The following SESTD1 variants were observed in gnomAD, a reference collection of about 807,000 sequenced individuals.
SESTD1 encodes the protein SEC14 and spectrin domain containing 1.
A neutral mutation model predicts 101.7 loss-of-function variants in SESTD1; 43 were observed. The ratio of observed to expected loss-of-function variants is 0.42; its 90% CI spans 0.33 to 0.55. The LOEUF (loss-of-function observed/expected upper bound fraction) is 0.55, where lower values mean the gene tolerates loss of function less well. SESTD1 is among the 20% of genes least tolerant of loss of function. The probability of loss-of-function intolerance (pLI) is 0.07; values close to 1 mark genes in which losing one functional copy is unlikely to be tolerated. For synonymous variants in SESTD1, 283 were observed against 286.8 expected, an observed-to-expected ratio of 0.99 and a Z score of 0.13; for missense variants, 647 against 815.1, an observed-to-expected ratio of 0.79 and a Z score of 2.51.
intron 1 of SESTD1, among the ~76,000 whole-genome samples, chr2:179,222,163 C>T (rs1312788104): frequency 6.6e-6 from 1 of 152,134 alleles, no homozygotes; most frequent in Non-Finnish European, 1.5e-5. Context: ...AAAAAGACTT[C>T]CCCCACCAAA....
At chr2:179,154,784 T>G (rs1204499674) in intron 5 of SESTD1, among the ~76,000 whole-genome samples, 1 of 152,202 alleles carries the variant, frequency 6.6e-6, no homozygotes, top group East Asian at 1.9e-4. Flanking sequence ...CTGCATTTAA[T>G]AGACATATAC....
intron 5 of SESTD1, among the ~76,000 whole-genome samples, chr2:179,156,174 G>A (rs923402597): frequency 2.0e-5 from 3 of 151,754 alleles, no homozygotes; most frequent in African/African-American, 4.8e-5. Flanking sequence ...ATATGTGTGT[G>A]TATATATACA....
chr2:179,257,711 T>G (rs1180526991), intron 1 of SESTD1, among the ~76,000 whole-genome samples: 5 of 152,154 alleles, frequency 3.3e-5, no homozygotes, highest in Admixed American at 1.3e-4. Context: ...GGCTAAAAAT[T>G]GTATAATATA....
intron 1 of SESTD1, among the ~76,000 whole-genome samples, chr2:179,229,816 C>CACACACAA (rs1553529899): frequency 7.4e-6 from 1 of 134,696 alleles, no homozygotes; most frequent in African/African-American, 2.8e-5. Context: ...CACACACACA[C>CACACACAA]AACCCTACTT....
rs1374727675 is a variant in SESTD1, at chr2:179,105,790, T to A, written c.*4109A>T. The A allele has an allele frequency of 6.6e-6, 1 of 152,200 alleles. No homozygotes were observed. Among genetic ancestry groups the A allele is most frequent in the East Asian group, 1.9e-4 (1 of 5,198 alleles). The allele number at this position is 152,200 out of a possible 1,614,324, so 9.4% of individuals were successfully genotyped here. On this transcript the variant is annotated 3_prime_UTR_variant, in exon 18 of 18. Coordinates refer to ENST00000428443, the MANE Select transcript of SESTD1 (RefSeq NM_178123.5). ...TGAGATAAATTCTCAGATATTTTTT[T>A]AACAGTAAATGGCAAAGCCAGATTT... is the stretch of plus-strand genomic sequence containing the variant.
At position 179,230,942 on chromosome 2, in the gene SESTD1, A is replaced by G. The variant is rs1037437006; in HGVS notation, c.-26+33557T>C. Among the ~76,000 whole-genome samples the G allele has an allele frequency of 7.9e-5, 12 of 152,290 alleles. 1 individual carries two copies. The highest frequency in any genetic ancestry group is 2.6e-4 in the African/African-American group (11 of 41,582). On this transcript the variant is annotated intron_variant, in intron 1 of 17. Coordinates refer to ENST00000428443, the MANE Select transcript of SESTD1 (RefSeq NM_178123.5). ...AGGGAAAGATCCAAGAATTCCAAAC[A>G]AAAGATTCAAGCAACTTACAGGGGC...
chr2:179,220,489 T>C (rs2046799891), intron 1 of SESTD1, among the ~76,000 whole-genome samples: 1 of 152,140 alleles, frequency 6.6e-6, no homozygotes, highest in Non-Finnish European at 1.5e-5. Context: ...GTATCCCCTA[T>C]GGCTAGGACC....
At position 179,190,495 on chromosome 2, in the gene SESTD1, C is replaced by T. The variant is rs779874439; in HGVS notation, c.55+1292G>A. 4.8e-4 allele frequency among the ~76,000 whole-genome samples: 73 copies of T among 152,006 alleles called. 3 individuals carry two copies. The highest frequency in any genetic ancestry group is 8.8e-5 in the Non-Finnish European group (6 of 67,976). On this transcript the variant is annotated intron_variant, in intron 2 of 17. Coordinates refer to ENST00000428443, the MANE Select transcript of SESTD1 (RefSeq NM_178123.5). ...ATCGGCCTCAGAAAAAAAATTATGACTAAGTCCTCAAAAGTAACTGCAACT... is the reference window on the plus strand; with the variant it reads ...ATCGGCCTCAGAAAAAAAATTATGATTAAGTCCTCAAAAGTAACTGCAACT...
chr2:179,174,393 T>C (rs2045974877), intron 4 of SESTD1: 1 of 460,838 alleles, frequency 2.2e-6, no homozygotes, highest in Non-Finnish European at 4.5e-6. Context: ...AAATCATCCA[T>C]TGATTGTTCT....
chr2:179,111,785 T>A, intron 17 of SESTD1, among the ~76,000 whole-genome samples: 1 of 151,070 alleles, frequency 6.6e-6, no homozygotes, highest in Non-Finnish European at 1.5e-5. Context: ...AGTGGCGTGA[T>A]CTCGGCTCAC....
intron 17 of SESTD1, among the ~76,000 whole-genome samples, chr2:179,112,228 A>G (rs1423255308): frequency 6.6e-6 from 1 of 152,202 alleles, no homozygotes; most frequent in African/African-American, 2.4e-5. Flanking sequence ...GCTAACTCTT[A>G]GAAGCTGTGA....
At chr2:179,185,682 T>TATATGTAATATAGTATATTATATACA (rs2046209716) in intron 2 of SESTD1, among the ~76,000 whole-genome samples, 1 of 107,842 alleles carries the variant, frequency 9.3e-6, no homozygotes, top group East Asian at 2.6e-4. Flanking sequence ...TATAGCATAT[T>TATATGTAATATAGTATATTATATACA]ATATATAATA....
chr2:179,105,103 GC>G lies in SESTD1; in HGVS notation c.*4795del, dbSNP rs2044351295. 6.6e-6 allele frequency: 1 copy of G among 151,376 alleles called. No homozygotes were observed. The highest frequency in any genetic ancestry group is 2.1e-4 in the South Asian group (1 of 4,776). 9.4% of individuals were successfully genotyped at this position (151,376 alleles called of 1,614,324 possible). A position where few individuals can be genotyped will look rare whatever the true frequency, so the allele number is the denominator to read the frequency against. Reference sequence around the variant, plus strand: ...CGGCCATTTTCTGTTCATCATCACTGCCTGAGTTTACCAAGAGACTGCTCCT... The same window carrying G: ...CGGCCATTTTCTGTTCATCATCACTGCTGAGTTTACCAAGAGACTGCTCCT... On this transcript the variant is annotated 3_prime_UTR_variant, in exon 18 of 18. Transcript: ENST00000428443.
intron 16 of SESTD1, among the ~76,000 whole-genome samples, 189 bp from the exon 17 acceptor site, chr2:179,113,034 T>C (rs879904477): frequency 1.2e-4 from 18 of 152,324 alleles, no homozygotes; most frequent in South Asian, 4.1e-4. Context: ...CTATATAAGA[T>C]TGATCTATTA....
intron 2 of SESTD1, among the ~76,000 whole-genome samples, chr2:179,185,995 T>A (rs1317091461): frequency 7.0e-6 from 1 of 143,838 alleles, no homozygotes; most frequent in African/African-American, 2.5e-5. Context: ...ATATACAATA[T>A]ATAATACAGC....
rs2044355454 is a variant in SESTD1, at chr2:179,105,216, A to C, written c.*4683T>G. The C allele has an allele frequency of 6.6e-6, 1 of 151,270 alleles. No individual in the cohort carries two copies. The highest frequency in any genetic ancestry group is 2.1e-4 in the South Asian group (1 of 4,786). 9.4% of individuals were successfully genotyped at this position (151,270 alleles called of 1,614,324 possible). A position where few individuals can be genotyped will look rare whatever the true frequency, so the allele number is the denominator to read the frequency against. On this transcript the variant is annotated 3_prime_UTR_variant, in exon 18 of 18. Transcript: ENST00000428443. ...TTTAACCTCATTATTGGGATACTTA[A>C]ATAACAGATTTATGCTGTTGTTGTT...
At chr2:179,238,200 A>T (rs1197129706) in intron 1 of SESTD1, among the ~76,000 whole-genome samples, 2 of 152,178 alleles carry the variant, frequency 1.3e-5, no homozygotes, top group African/African-American at 4.8e-5. Context: ...ACATTGAGTC[A>T]GTTGAGAAAG....
intron 3 of SESTD1, among the ~76,000 whole-genome samples, chr2:179,181,720 G>A (rs1301978680): frequency 6.6e-6 from 1 of 152,032 alleles, no homozygotes; most frequent in Non-Finnish European, 1.5e-5. Context: ...GATGGCACTT[G>A]ACATATTTAA....
chr2:179,113,513 A>C (rs1310996120), intron 16 of SESTD1, among the ~76,000 whole-genome samples: 1 of 152,216 alleles, frequency 6.6e-6, no homozygotes, highest in Admixed American at 6.5e-5. Context: ...CAAGAACTGC[A>C]AAATTTGAGA....
Sources: gnomAD v4.1 joint callset for allele counts (sites outside exome capture counted in the v4.1 genomes callset) on GRCh38, gnomAD v4.1.1 for gene constraint, MANE v1.5 for transcripts, NCBI Gene and HGNC (gene_info 2026-07-23, HGNC 2026-07-21) for gene names.